The following PRKX variants were observed in gnomAD, a reference collection of about 807,000 sequenced individuals.
The protein encoded by PRKX is protein kinase cAMP-dependent X-linked catalytic subunit.
In PRKX, 12 loss-of-function variants were observed where a neutral mutation model predicts 22.0. The observed-to-expected ratio is 0.54, with a 90% CI of 0.35 to 0.88. The LOEUF (loss-of-function observed/expected upper bound fraction) is 0.88. Ranked by LOEUF, PRKX falls within the 40% of genes least tolerant of loss-of-function variation. The pLI, the probability that PRKX is intolerant of heterozygous loss-of-function variation, is 0.01. For missense variants in PRKX, 217 were observed against 308.0 expected, an observed-to-expected ratio of 0.70 and a Z score of 2.21; for synonymous variants, 134 against 137.7, an observed-to-expected ratio of 0.97 and a Z score of 0.19.
At chrX:3,638,249 T>A (rs1926935771) in intron 4 of PRKX, among the ~76,000 whole-genome samples, 2 of 104,963 alleles carry the variant, frequency 1.9e-5, no homozygotes, top group Admixed American at 1.1e-4. Flanking sequence ...TTTATTTTTA[T>A]GTATTTTTAA....
rs1423951546 is a variant in PRKX, at chrX:3,639,040, T to C, written c.719+2812A>G. ...AACTTAGATGATAGATAAGGATAAA[T>C]GGATAAACAGATACATACATACTTA... On this transcript the variant is annotated intron_variant, in intron 4 of 8. Transcript: ENST00000262848. Among the ~76,000 whole-genome samples, 6 of 62,281 alleles carry C rather than the reference T, an allele frequency of 9.6e-5. 1 individual carries two copies. The South Asian group carries it at 5.2e-3, about 54-fold the overall frequency. 54.1% of individuals were successfully genotyped at this position (62,281 alleles called of 115,157 possible). A position where few individuals can be genotyped will look rare whatever the true frequency, so the allele number is the denominator to read the frequency against.
rs557216148 is a variant in PRKX at position 3,683,452 on chromosome X, G to A, written c.167-8686C>T. On this transcript the variant is annotated intron_variant, in intron 1 of 8. Transcript: ENST00000262848. Reference sequence around the variant, plus strand: ...AGACATGTCTGAGCCTTCCCAGGCCGATCACTAAGGAATGTCCACAACGCA... The same window carrying A: ...AGACATGTCTGAGCCTTCCCAGGCCAATCACTAAGGAATGTCCACAACGCA... Among the ~76,000 whole-genome samples the A allele has an allele frequency of 4.5e-3, 500 of 110,501 alleles. 3 individuals carry two copies. The highest frequency in any genetic ancestry group is 0.015 in the African/African-American group (466 of 30,557).
chrX:3,676,537 G>A (rs1018371503), intron 1 of PRKX, among the ~76,000 whole-genome samples: 15 of 112,121 alleles, frequency 1.3e-4, no homozygotes, highest in Non-Finnish European at 2.4e-4. Context: ...ACATATACAC[G>A]ATGGAATACC....
chrX:3,706,166 C>T (rs1928682067), intron 1 of PRKX, among the ~76,000 whole-genome samples: 1 of 110,495 alleles, frequency 9.1e-6, no homozygotes, highest in Non-Finnish European at 1.9e-5. Context: ...GTGCCAGGCA[C>T]TGTGTACTCA....
At chrX:3,704,347 A>G (rs7877445) in intron 1 of PRKX, among the ~76,000 whole-genome samples, 5,937 of 112,042 alleles carry the variant, frequency 0.053, 354 homozygotes, top group African/African-American at 0.18. Flanking sequence ...AGTAGGATAC[A>G]AGATTTGCTT....
chrX:3,612,103 G>A, intron 8 of PRKX, 74 bp downstream of exon 8: 2 of 1,014,732 alleles, frequency 2.0e-6, no homozygotes, highest in African/African-American at 1.9e-5. Context: ...GCCCCACTCA[G>A]TAAACGCAGC....
At chrX:3,665,186 G>A (rs934128706) in intron 2 of PRKX, among the ~76,000 whole-genome samples, 1 of 112,001 alleles carries the variant, frequency 8.9e-6, no homozygotes, top group Non-Finnish European at 1.9e-5. Context: ...GTGTGTGTGC[G>A]TTTGTGTGAG....
At chrX:3,659,819 A>T (rs1927558962) in intron 2 of PRKX, among the ~76,000 whole-genome samples, 1 of 102,264 alleles carries the variant, frequency 9.8e-6, no homozygotes. Flanking sequence ...CCGCCTCCCG[A>T]GTTCAAGTGA....
At chrX:3,653,257 C>T (rs6641590) in intron 3 of PRKX, among the ~76,000 whole-genome samples, 32,105 of 109,004 alleles carry the variant, frequency 0.29, 4,064 homozygotes, top group East Asian at 0.62. Flanking sequence ...CCCCCTCGCC[C>T]CTTCCACCAT....
intron 2 of PRKX, among the ~76,000 whole-genome samples, chrX:3,672,205 C>CTA (rs1408797155): frequency 9.1e-6 from 1 of 109,365 alleles, no homozygotes; most frequent in African/African-American, 3.3e-5. Flanking sequence ...AAATGTAAAT[C>CTA]TATATATATA....
intron 2 of PRKX, among the ~76,000 whole-genome samples, chrX:3,656,505 T>C (rs1425725419): frequency 3.6e-5 from 4 of 111,374 alleles, no homozygotes; most frequent in African/African-American, 9.8e-5. Flanking sequence ...GAAGTAGATG[T>C]TAATATGTAG....
chrX:3,702,457 T>C (rs1928597353), intron 1 of PRKX, among the ~76,000 whole-genome samples: 1 of 111,181 alleles, frequency 9.0e-6, no homozygotes, highest in South Asian at 3.8e-4. Flanking sequence ...ACCTCCCCAG[T>C]ATAACATCCA....
At chrX:3,625,219 C>T (rs1342916511) in intron 5 of PRKX, among the ~76,000 whole-genome samples, 1 of 111,358 alleles carries the variant, frequency 9.0e-6, no homozygotes, top group Non-Finnish European at 1.9e-5. Context: ...AAAACACGAC[C>T]TTATCTTCTG....
At chrX:3,661,750 T>C (rs1445554995) in intron 2 of PRKX, among the ~76,000 whole-genome samples, 1 of 112,103 alleles carries the variant, frequency 8.9e-6, no homozygotes, top group Non-Finnish European at 1.9e-5. Context: ...GGCTGTGGGA[T>C]AGGACGAGTT....
intron 3 of PRKX, among the ~76,000 whole-genome samples, chrX:3,646,316 A>G (rs1927187503): frequency 9.0e-6 from 1 of 111,450 alleles, no homozygotes; most frequent in African/African-American, 3.3e-5. Context: ...AGAGACAGAG[A>G]GAAACGGATG....
At chrX:3,648,523 A>G (rs1221665686) in intron 3 of PRKX, among the ~76,000 whole-genome samples, 1 of 109,529 alleles carries the variant, frequency 9.1e-6, no homozygotes, top group Non-Finnish European at 1.9e-5. Flanking sequence ...AAAGAGAAAA[A>G]AAACAAAGTG....
In PRKX at chrX:3,607,766, C is replaced by T. The variant is rs1281384559; in HGVS notation, c.*1203G>A. 1 of 110,473 alleles carries T rather than the reference C, an allele frequency of 9.1e-6. No homozygotes were observed. Among genetic ancestry groups the T allele is most frequent in the Non-Finnish European group, 1.9e-5 (1 of 52,957 alleles). 9.1% of individuals were successfully genotyped at this position (110,473 alleles called of 1,213,427 possible). Reference sequence around the variant, plus strand: ...GCTCAATCTTCCTGCCTCAGCTTCCCAAAGTCCCAGGGTTACAGGAGTGCA... The same window carrying T: ...GCTCAATCTTCCTGCCTCAGCTTCCTAAAGTCCCAGGGTTACAGGAGTGCA... On this transcript the variant is annotated 3_prime_UTR_variant, in exon 9 of 9. Coordinates refer to ENST00000262848, the MANE Select transcript of PRKX (RefSeq NM_005044.5).
At position 3,701,622 on chromosome X, in the gene PRKX, TGGGTAAAATGAAGCTGAAGCCTGTTG is replaced by T. The variant is rs773053078; in HGVS notation, c.166+11440_166+11465del. ...GAGCAACTCCATCTTGAAGAGGAGC[TGGGTAAAATGAAGCTGAAGCCTGTTG>T]GGCTGCATGCCCAGATGGTTAAGGC... On this transcript the variant is annotated intron_variant, in intron 1 of 8. Transcript: ENST00000262848. Among the ~76,000 whole-genome samples, 4 of 112,317 alleles carry T rather than the reference TGGGTAAAATGAAGCTGAAGCCTGTTG, an allele frequency of 3.6e-5. No individual in the cohort carries two copies. The South Asian group carries it at 1.5e-3, about 41-fold the overall frequency.
intron 1 of PRKX, among the ~76,000 whole-genome samples, chrX:3,687,070 G>A (rs1008792962): frequency 8.1e-5 from 9 of 111,113 alleles, no homozygotes; most frequent in African/African-American, 2.9e-4. Context: ...CCACAGGCTA[G>A]AGTGCAGTGA....
Sources: allele counts gnomAD v4.1 joint callset (sites outside exome capture counted in the v4.1 genomes callset), GRCh38; gene constraint gnomAD v4.1.1; transcripts MANE v1.5; gene names NCBI Gene and HGNC (gene_info 2026-07-23, HGNC 2026-07-21).